GSE1: variants seen among roughly 807,000 people sequenced by gnomAD.
GSE1 encodes genetic suppressor element 1.
In GSE1, 32 loss-of-function variants were observed where a neutral mutation model predicts 112.6. The ratio of observed to expected loss-of-function variants is 0.28; its 90% CI spans 0.21 to 0.38. GSE1 has a LOEUF of 0.38. GSE1 is among the 10% of genes least tolerant of loss of function. GSE1 has a pLI of 1.00. For missense variants in GSE1, 2,348 were observed against 1,699.2 expected, an observed-to-expected ratio of 1.38 and a Z score of -6.71; for synonymous variants, 1,115 against 735.6, an observed-to-expected ratio of 1.52 and a Z score of -8.35.
intron 1 of GSE1, among the ~76,000 whole-genome samples, chr16:85,326,114 T>C (rs978353145): frequency 1.3e-5 from 2 of 152,134 alleles, no homozygotes; most frequent in African/African-American, 4.8e-5. Context: ...TGACGGTGTC[T>C]ACTTTAACAA....
At chr16:85,379,106 C>T (rs1307712329) in intron 2 of GSE1, among the ~76,000 whole-genome samples, 1 of 152,210 alleles carries the variant, frequency 6.6e-6, no homozygotes, top group African/African-American at 2.4e-5. Context: ...TCCCTGCACT[C>T]TCCCCAGAGA....
intron 13 of GSE1, 107 bp downstream of exon 13, chr16:85,666,454 A>G: frequency 3.1e-6 from 3 of 982,704 alleles, no homozygotes; most frequent in Non-Finnish European, 4.7e-6. Context: ...ACAAGTTTTT[A>G]TAAACTCCAA....
At chr16:85,627,374 G>A (rs1161469734) in intron 1 of GSE1, among the ~76,000 whole-genome samples, 1 of 152,020 alleles carries the variant, frequency 6.6e-6, no homozygotes, top group African/African-American at 2.4e-5. Context: ...TTCTGAAAGG[G>A]TCCAGGGAGC....
At chr16:85,537,546 C>T (rs747516810) in intron 2 of GSE1, among the ~76,000 whole-genome samples, 72 of 152,208 alleles carry the variant, frequency 4.7e-4, no homozygotes, top group Non-Finnish European at 8.2e-4. Context: ...CTCAAGCTCC[C>T]ATGGCGCAGG....
chr16:85,566,191 G>A (rs2045740079), intron 1 of GSE1, among the ~76,000 whole-genome samples: 1 of 152,186 alleles, frequency 6.6e-6, no homozygotes, highest in Admixed American at 6.5e-5. Flanking sequence ...CCAGCTGCAC[G>A]CCGTCCATAT....
Position 85,578,720 on chromosome 16 carries a change from T to TCCTGTGCTCTGCTC in GSE1, c.37+22359_37+22360insTGTGCTCTGCTCCC, listed in dbSNP as rs1453275243. On this transcript the variant is annotated intron_variant, in intron 1 of 2. Transcript: ENST00000635906. ...AGAGTAAAAGCCAGCATTCTCTGCC[T>TCCTGTGCTCTGCTC]CCACTACCCCTCACCACACATGGCC... is the stretch of plus-strand genomic sequence containing the variant. 3.2e-3 allele frequency among the ~76,000 whole-genome samples: 493 copies of TCCTGTGCTCTGCTC among 152,220 alleles called. 1 individual carries two copies. The highest frequency in any genetic ancestry group is 0.011 in the African/African-American group (466 of 41,530).
intron 1 of GSE1, among the ~76,000 whole-genome samples, chr16:85,600,738 G>A (rs2047427869): frequency 6.6e-6 from 1 of 152,246 alleles, no homozygotes; most frequent in African/African-American, 2.4e-5. Context: ...ACCCATCCTT[G>A]TCAACTGGGG....
intron 1 of GSE1, among the ~76,000 whole-genome samples, chr16:85,596,880 A>G (rs1354202838): frequency 6.6e-6 from 1 of 152,182 alleles, no homozygotes. Flanking sequence ...TACTAAAAAT[A>G]CAAAAATTAT....
At chr16:85,613,990 C>A (rs985790087) in intron 1 of GSE1, among the ~76,000 whole-genome samples, 1 of 151,634 alleles carries the variant, frequency 6.6e-6, no homozygotes, top group Non-Finnish European at 1.5e-5. Context: ...GGGTTTGTGA[C>A]CCCCACGCCC....
chr16:85,344,699 G>A (rs1434198699), intron 1 of GSE1, among the ~76,000 whole-genome samples: 1 of 152,234 alleles, frequency 6.6e-6, no homozygotes, highest in Non-Finnish European at 1.5e-5. Context: ...GCCCAGAGAG[G>A]TAGAGCCACT....
chr16:85,181,108 C>G (rs1239219338), intron 1 of GSE1, among the ~76,000 whole-genome samples: 1 of 152,220 alleles, frequency 6.6e-6, no homozygotes, highest in African/African-American at 2.4e-5. Context: ...TCAGCCCCAG[C>G]TTCCGCAGCT....
In GSE1 at chr16:85,419,348, C is replaced by T. The variant is rs116888311; in HGVS notation, c.2464+61705C>T. On this transcript the variant is annotated intron_variant, in intron 2 of 2. Coordinates refer to the GSE1 transcript ENST00000637419. This position sits in a 1 kb window ranked among gnomAD's most constrained non-coding sequence, Gnocchi z 6.5. ...TACCAGATGGCCGGGCGTGGTGGCT[C>T]GTGCCTATAATCCCAGCACTTTGGG... is the stretch of plus-strand genomic sequence containing the variant. 2.1e-3 allele frequency among the ~76,000 whole-genome samples: 318 copies of T among 152,220 alleles called. 1 individual carries two copies. The highest frequency in any genetic ancestry group is 3.7e-3 in the South Asian group (18 of 4,826).
chr16:85,453,568 T>C (rs2049743489), intron 2 of GSE1, among the ~76,000 whole-genome samples: 1 of 152,026 alleles, frequency 6.6e-6, no homozygotes, highest in South Asian at 2.1e-4. Flanking sequence ...GGGCTGGGTG[T>C]GGCTCCTGGA....
intron 2 of GSE1, among the ~76,000 whole-genome samples, chr16:85,506,394 C>T (rs1293691661): frequency 6.6e-6 from 1 of 152,020 alleles, no homozygotes; most frequent in East Asian, 1.9e-4. Flanking sequence ...GGGGAAGGCT[C>T]AGCTGATGGA....
chr16:85,255,963 C>T (rs747115386), intron 1 of GSE1, among the ~76,000 whole-genome samples: 5 of 152,220 alleles, frequency 3.3e-5, no homozygotes, highest in Admixed American at 6.5e-5. Context: ...GCTGGGAATA[C>T]AGGCGTGAGC....
At chr16:85,601,529 G>T (rs2047463920) in intron 1 of GSE1, among the ~76,000 whole-genome samples, 1 of 152,056 alleles carries the variant, frequency 6.6e-6, no homozygotes, top group South Asian at 2.1e-4. Context: ...AAGGTGGGGG[G>T]GTGACCTGGG....
At chr16:85,635,696 G>A (rs80013363) in intron 2 of GSE1, among the ~76,000 whole-genome samples, 3,291 of 152,248 alleles carry the variant, frequency 0.022, 111 homozygotes, top group East Asian at 0.16. Flanking sequence ...AGGGATTTCC[G>A]AGGCCACGGG....
At chr16:85,651,585 G>T (rs2051360786) in intron 3 of GSE1, among the ~76,000 whole-genome samples, 1 of 152,196 alleles carries the variant, frequency 6.6e-6, no homozygotes, top group Admixed American at 6.5e-5. Flanking sequence ...GTTTGACCCG[G>T]CCCACGGCGC....
chr16:85,620,884 A>C (rs1016280510), intron 1 of GSE1, among the ~76,000 whole-genome samples: 1 of 151,468 alleles, frequency 6.6e-6, no homozygotes, highest in African/African-American at 2.4e-5. Flanking sequence ...ACCCGTTTAG[A>C]GGGTCTCGGC....
Sources: allele counts gnomAD v4.1 joint callset (sites outside exome capture counted in the v4.1 genomes callset), GRCh38; gene constraint gnomAD v4.1.1; non-coding constraint Gnocchi (gnomAD v3.1); transcripts MANE v1.5; gene names NCBI Gene and HGNC (gene_info 2026-07-23, HGNC 2026-07-21).